SPARCL1: variants seen among roughly 807,000 people sequenced by gnomAD.
SPARCL1 encodes SPARC-like protein 1.
A neutral mutation model predicts 67.1 loss-of-function variants in SPARCL1; 52 were observed. The ratio of observed to expected loss-of-function variants is 0.78; its 90% CI spans 0.62 to 0.98. The LOEUF (loss-of-function observed/expected upper bound fraction) is 0.98. Among genes scored for constraint, SPARCL1 ranks in the 50% least tolerant of loss-of-function variants. SPARCL1 has a pLI of 0.00. For missense variants in SPARCL1, 717 were observed against 782.4 expected (o/e 0.92, Z 1.00); for synonymous variants, 226 against 267.8 (o/e 0.84, Z 1.52).
At chr4:87,477,333 G>A (rs184182923) in intron 10 of SPARCL1, among the ~76,000 whole-genome samples, 18 of 152,242 alleles carry the variant, frequency 1.2e-4, no homozygotes, top group Admixed American at 1.2e-3. Context: ...AGATAATGGT[G>A]GGCAGGGCAG....
intron 1 of SPARCL1, chr4:87,504,761 T>G (rs1365040893): frequency 6.6e-6 from 1 of 152,086 alleles, no homozygotes; most frequent in African/African-American, 2.4e-5. Flanking sequence ...GAGATTTCAC[T>G]TTGAGTTTGA....
chr4:87,504,135 TTGTGTGTGTGTGTG>T (rs70957258), intron 1 of SPARCL1, among the ~76,000 whole-genome samples: 589 of 30,936 alleles, frequency 0.019, 18 homozygotes, highest in African/African-American at 0.054. Flanking sequence ...TGATTTGGTA[TTGTGTGTGTGTGTG>T]TGTGTGTGTG....
At chr4:87,506,498 A>G (rs1725077434) in intron 1 of SPARCL1, among the ~76,000 whole-genome samples, 1 of 152,194 alleles carries the variant, frequency 6.6e-6, no homozygotes, top group Admixed American at 6.5e-5. Flanking sequence ...TGAATAGAAC[A>G]AAAAGGCAGG....
chr4:87,482,975 G>C (rs748744706), intron 7 of SPARCL1, among the ~76,000 whole-genome samples: 7 of 152,046 alleles, frequency 4.6e-5, no homozygotes, highest in Admixed American at 2.0e-4. Context: ...CTAAATCTCA[G>C]TGGCTTAAAG....
chr4:87,496,187 A>AT (rs1324406824), intron 2 of SPARCL1, among the ~76,000 whole-genome samples: 1 of 152,072 alleles, frequency 6.6e-6, no homozygotes, highest in East Asian at 1.9e-4. Flanking sequence ...GGTCGTTAAT[A>AT]TTTTTTATTA....
intron 1 of SPARCL1, among the ~76,000 whole-genome samples, chr4:87,523,293 T>G (rs1725902929): frequency 6.6e-6 from 1 of 152,146 alleles, no homozygotes; most frequent in Non-Finnish European, 1.5e-5. Context: ...AATGCTTATT[T>G]TTATTCTTAG....
At chr4:87,499,174 C>T (rs1358971261) in intron 2 of SPARCL1, among the ~76,000 whole-genome samples, 1 of 152,138 alleles carries the variant, frequency 6.6e-6, no homozygotes, top group Non-Finnish European at 1.5e-5. Context: ...CCGCACCTGG[C>T]CTAAAATCTT....
intron 9 of SPARCL1, 137 bp from the exon 10 acceptor site, chr4:87,479,715 A>T (rs918681023): frequency 1.3e-6 from 1 of 756,236 alleles, no homozygotes; most frequent in Non-Finnish European, 2.1e-6. Flanking sequence ...AAAAACTGCC[A>T]ACGAAATAAA....
At chr4:87,491,950 CCCCCCAA>C (rs1394091876) in intron 4 of SPARCL1, among the ~76,000 whole-genome samples, 3 of 80,760 alleles carry the variant, frequency 3.7e-5, no homozygotes, top group African/African-American at 1.8e-4. Flanking sequence ...ACCCACCCCC[CCCCCCAA>C]AAAAAAAAAA....
At chr4:87,479,312 C>T in intron 10 of SPARCL1, 118 bp downstream of exon 10, 3 of 1,104,022 alleles carry the variant, frequency 2.7e-6, no homozygotes, top group Non-Finnish European at 3.9e-6. Flanking sequence ...AAGCTGCCAC[C>T]TTTTTTTTTC....
Position 87,490,792 on chromosome 4 carries a change from C to G in SPARCL1, c.1378G>C (p.Val460Leu), listed in dbSNP as rs559197818. 1 of 1,612,464 alleles carries G rather than the reference C, an allele frequency of 6.2e-7. No individual in the cohort carries two copies. Among genetic ancestry groups the G allele is most frequent in the South Asian group, 1.1e-5 (1 of 90,664 alleles). ...AGGGGTTTTGTTGGAGGACAAGTCA[C>G]TGGATCCTGGCAGACACAGTGAGGT... ...GKPHCVCQDP[V>L]TCPPTKPLDQ... Residue 460 changes from valine to leucine, a missense_variant, in exon 6 of 11, where the codon GTG becomes CTG. By Grantham distance (32) the Val-to-Leu change is conservative. Transcript: ENST00000282470.
chr4:87,503,683 C>CTT lies in SPARCL1; in HGVS notation c.-11-4100_-11-4099dup, dbSNP rs60057481. The stretch of plus-strand genomic sequence containing the variant: ...TCAGCAAATGAAGTTTTTTTTTTTC[C>CTT]TTTTTTTTTTTTTAATACAGAGTCT... On this transcript the variant is annotated intron_variant, in intron 1 of 10. Transcript: ENST00000282470. Among the ~76,000 whole-genome samples, 74 of 138,068 alleles carry CTT rather than the reference C, an allele frequency of 5.4e-4. 1 individual carries two copies. The South Asian group carries it at 0.011, about 20-fold the overall frequency. 90.6% of individuals were successfully genotyped at this position (138,068 alleles called of 152,430 possible).
At chr4:87,525,156 C>G (rs555732808) in intron 1 of SPARCL1, among the ~76,000 whole-genome samples, 256 of 139,434 alleles carry the variant, frequency 1.8e-3, no homozygotes, top group Non-Finnish European at 3.6e-3. Context: ...GAGCAAGACT[C>G]TGTCTCAAAA....
chr4:87,491,954 CCAAA>C (rs764450242), intron 4 of SPARCL1, among the ~76,000 whole-genome samples: 26 of 87,814 alleles, frequency 3.0e-4, no homozygotes, highest in Middle Eastern at 7.4e-3. Flanking sequence ...ACCCCCCCCC[CCAAA>C]AAAAAAAAAA....
chr4:87,500,793 C>T (rs1215668008), intron 1 of SPARCL1, among the ~76,000 whole-genome samples: 2 of 104,484 alleles, frequency 1.9e-5, no homozygotes, highest in South Asian at 2.4e-4. Context: ...TACGCGCGCA[C>T]GCACATACGC....
chr4:87,507,455 AT>A (rs59265294), intron 1 of SPARCL1, among the ~76,000 whole-genome samples: 67,915 of 151,700 alleles, frequency 0.45, 15,820 homozygotes, highest in East Asian at 0.75. Flanking sequence ...TCACTAATCC[AT>A]TTTTTTTAAA....
At chr4:87,476,221 T>C (rs973970543) in intron 10 of SPARCL1, among the ~76,000 whole-genome samples, 2 of 152,246 alleles carry the variant, frequency 1.3e-5, no homozygotes, top group Non-Finnish European at 2.9e-5. Context: ...GCCAGGGACC[T>C]AGGCATTGCA....
intron 5 of SPARCL1, 124 bp from the exon 6 acceptor site, chr4:87,491,002 AT>A (rs1724305053): frequency 1.7e-6 from 1 of 578,176 alleles, no homozygotes; most frequent in Non-Finnish European, 3.0e-6. Flanking sequence ...AAATTTGCAA[AT>A]TTGGAAGTGG....
intron 1 of SPARCL1, among the ~76,000 whole-genome samples, chr4:87,506,766 ATCTC>A (rs1560824766): frequency 3.1e-3 from 367 of 116,930 alleles, no homozygotes; most frequent in East Asian, 7.5e-3. Context: ...CATTATCTAT[ATCTC>A]TATCTATCTA....
Sources: gnomAD v4.1 joint callset for allele counts (sites outside exome capture counted in the v4.1 genomes callset) on GRCh38, gnomAD v4.1.1 for gene constraint, MANE v1.5 for transcripts, NCBI Gene and HGNC (gene_info 2026-07-23, HGNC 2026-07-21) for gene names.